The following BCL11B variants were observed in gnomAD, a reference collection of about 807,000 sequenced individuals.
BCL11B encodes B-cell lymphoma/leukemia 11B.
A neutral mutation model predicts 49.9 loss-of-function variants in BCL11B; 8 were observed. The observed-to-expected ratio is 0.16, with a 90% CI of 0.09 to 0.29. The LOEUF (loss-of-function observed/expected upper bound fraction) is 0.29, where lower values mean the gene tolerates loss of function less well. BCL11B is among the 10% of genes least tolerant of loss of function. The probability of loss-of-function intolerance (pLI) is 1.00; values close to 1 mark genes in which losing one functional copy is unlikely to be tolerated. For synonymous variants in BCL11B, 739 were observed against 637.4 expected, an observed-to-expected ratio of 1.16 and a Z score of -2.40; for missense variants, 1,006 against 1,351.0, an observed-to-expected ratio of 0.74 and a Z score of 4.00.
intron 2 of BCL11B, among the ~76,000 whole-genome samples, chr14:99,243,914 C>A (rs1888742815): frequency 7.4e-6 from 1 of 136,008 alleles, no homozygotes; most frequent in East Asian, 2.1e-4. Context: ...CCACACATTG[C>A]TCCTAAAAAA....
chr14:99,174,869 C>G lies in BCL11B; in HGVS notation c.1967G>C (p.Gly656Ala). The G allele has an allele frequency of 8.6e-7, 1 of 1,165,816 alleles. No homozygotes were observed. 72.2% of individuals were successfully genotyped at this position (1,165,816 alleles called of 1,614,324 possible). Residue 656 changes from glycine (G) to alanine (A), a missense_variant, in exon 4 of 4, where the codon GGC (glycine) becomes GCC (alanine). By Grantham distance (60) the Gly-to-Ala change is moderately conservative. Coordinates refer to ENST00000357195, the MANE Select transcript of BCL11B (RefSeq NM_138576.4). Reference protein sequence around the residue: ...GAGGAVNGRGGGFAPGTEPFP... With the variant: ...GAGGAVNGRGAGFAPGTEPFP... The stretch of plus-strand genomic sequence containing the variant: ...GGGCTCGGTGCCTGGCGCGAAGCCG[C>G]CCCCGCGCCCGTTGACCGCGCCGCC...
intron 1 of BCL11B, 26 bp downstream of exon 1, chr14:99,271,135 C>A: frequency 6.5e-7 from 1 of 1,536,364 alleles, no homozygotes; most frequent in East Asian, 2.7e-5. Context: ...TCTCCGGCCC[C>A]TCGCGCGCAC....
intron 2 of BCL11B, among the ~76,000 whole-genome samples, chr14:99,235,064 G>A (rs773693572): frequency 4.6e-5 from 7 of 151,974 alleles, no homozygotes; most frequent in African/African-American, 1.7e-4. Flanking sequence ...CTCACCCAGC[G>A]AACACGCCCA....
At chr14:99,202,737 C>T (rs1887422342) in intron 3 of BCL11B, among the ~76,000 whole-genome samples, 1 of 152,180 alleles carries the variant, frequency 6.6e-6, no homozygotes, top group Non-Finnish European at 1.5e-5. Context: ...CAGCCTCAGC[C>T]TCATTCAGCC....
chr14:99,183,472 G>T (rs1886767963), intron 3 of BCL11B, among the ~76,000 whole-genome samples: 1 of 152,040 alleles, frequency 6.6e-6, no homozygotes, highest in South Asian at 2.1e-4. Context: ...ACATCCGACA[G>T]ACCAGGAGTC....
intron 3 of BCL11B, among the ~76,000 whole-genome samples, chr14:99,199,640 CTGTGTGTGTGTGTG>C (rs79328426): frequency 2.9e-4 from 32 of 109,524 alleles, no homozygotes; most frequent in African/African-American, 7.8e-4. Context: ...TGGCTAAATG[CTGTGTGTGTGTGTG>C]TGTGTGTGTG....
rs557410777 is a variant in BCL11B, at chr14:99,221,560, C to T, written c.640+9785G>A. Among the ~76,000 whole-genome samples the T allele has an allele frequency of 2.3e-3, 346 of 152,370 alleles. 1 individual carries two copies. Among genetic ancestry groups the T allele is most frequent in the African/African-American group, 7.7e-3 (319 of 41,586 alleles). ...CCTTGGCTGTTCCTACTCACACCTG[C>T]CAGGTACAAGGCCAGGCGGGAGGGG... On this transcript the variant is annotated intron_variant, in intron 3 of 3. Transcript: ENST00000357195.
intron 2 of BCL11B, among the ~76,000 whole-genome samples, chr14:99,254,353 A>G (rs1889095967): frequency 6.6e-6 from 1 of 152,244 alleles, no homozygotes; most frequent in Non-Finnish European, 1.5e-5. Flanking sequence ...GTGATGACTG[A>G]CAGAATCCCC....
rs186337724 is a variant in BCL11B at position 99,257,346 on chromosome 14, G to C, written c.427+125C>G. The C allele has an allele frequency of 2.3e-6, 3 of 1,293,064 alleles. No individual in the cohort carries two copies. In the African/African-American group the frequency reaches 4.5e-5, roughly 19 times the overall value. 80.1% of individuals were successfully genotyped at this position (1,293,064 alleles called of 1,614,324 possible). Reference sequence around the variant, plus strand: ...TGGACCCTCAGAAAGGGGGAGCCCCGGCTGGTGGCCCAGAGGCCATCCTGG... The same window carrying C: ...TGGACCCTCAGAAAGGGGGAGCCCCCGCTGGTGGCCCAGAGGCCATCCTGG... On this transcript the variant is annotated intron_variant, in intron 2 of 3. Transcript: ENST00000357195. This position sits in a 1 kb window ranked among gnomAD's most constrained non-coding sequence, Gnocchi z 6.2.
intron 3 of BCL11B, among the ~76,000 whole-genome samples, chr14:99,211,637 C>G (rs867378543): frequency 1.3e-5 from 2 of 152,166 alleles, no homozygotes; most frequent in Non-Finnish European, 2.9e-5. Context: ...ACACACACCC[C>G]CCTCCACCTG....
At chr14:99,212,898 C>G (rs1403332659) in intron 3 of BCL11B, among the ~76,000 whole-genome samples, 1 of 152,208 alleles carries the variant, frequency 6.6e-6, no homozygotes, top group Non-Finnish European at 1.5e-5. Context: ...GACAAGAAGT[C>G]TCTGGGTCTG....
In BCL11B at chr14:99,242,416, C is replaced by T. The variant is rs1208083830; in HGVS notation, c.428-10859G>A. Among the ~76,000 whole-genome samples the T allele has an allele frequency of 6.6e-6, 1 of 152,204 alleles. No homozygotes were observed. Among genetic ancestry groups the T allele is most frequent in the Non-Finnish European group, 1.5e-5 (1 of 68,046 alleles). On this transcript the variant is annotated intron_variant, in intron 2 of 3. Transcript: ENST00000357195. The surrounding 1 kb of genome is among the most constrained non-coding windows in gnomAD (Gnocchi z 4.4). ...GAATATCACGGCCTTCCTTGCCCAG[C>T]CTTGCATGCCCACGTGGAATTTACT...
chr14:99,249,906 T>A (rs1888955355), intron 2 of BCL11B, among the ~76,000 whole-genome samples: 1 of 151,938 alleles, frequency 6.6e-6, no homozygotes, highest in South Asian at 2.1e-4. Flanking sequence ...GGCGGGTGGA[T>A]CACCTGAATA....
chr14:99,211,764 C>A (rs1003197173), intron 3 of BCL11B, among the ~76,000 whole-genome samples: 1 of 152,188 alleles, frequency 6.6e-6, no homozygotes, highest in Non-Finnish European at 1.5e-5. Context: ...AAACTCCGCC[C>A]TGCCCTCTGG....
rs781287943 is a variant in BCL11B, at chr14:99,242,335, G to A, written c.428-10778C>T. Among the ~76,000 whole-genome samples the A allele has an allele frequency of 1.3e-5, 2 of 152,172 alleles. No homozygotes were observed. Among genetic ancestry groups the A allele is most frequent in the Admixed American group, 6.5e-5 (1 of 15,276 alleles). On this transcript the variant is annotated intron_variant, in intron 2 of 3. Coordinates refer to ENST00000357195, the MANE Select transcript of BCL11B (RefSeq NM_138576.4). This position sits in a 1 kb window ranked among gnomAD's most constrained non-coding sequence, Gnocchi z 4.4. ...GCAAACCATGTGGGCTGGGTACAGCGACAGGCGGAGAGGCCCGTCAGGTTG... is the reference window on the plus strand; with the variant it reads ...GCAAACCATGTGGGCTGGGTACAGCAACAGGCGGAGAGGCCCGTCAGGTTG...
chr14:99,263,323 AC>A (rs1305530011), intron 1 of BCL11B: 1 of 153,244 alleles, frequency 6.5e-6, no homozygotes, highest in Non-Finnish European at 1.5e-5. Context: ...TGAGGCACAC[AC>A]CTCGATCGCC....
chr14:99,181,040 T>TA (rs1886684904), intron 3 of BCL11B, among the ~76,000 whole-genome samples: 1 of 152,104 alleles, frequency 6.6e-6, no homozygotes, highest in Admixed American at 6.5e-5. Context: ...AGATGTTCAA[T>TA]AAAAAACACA....
At chr14:99,198,788 C>T (rs536575263) in intron 3 of BCL11B, among the ~76,000 whole-genome samples, 2 of 152,260 alleles carry the variant, frequency 1.3e-5, no homozygotes, top group African/African-American at 4.8e-5. Context: ...CCTGTTCCAC[C>T]CCACCCCCGG....
At chr14:99,196,009 C>A (rs960645696) in intron 3 of BCL11B, among the ~76,000 whole-genome samples, 1 of 152,142 alleles carries the variant, frequency 6.6e-6, no homozygotes, top group Non-Finnish European at 1.5e-5. Context: ...TGAAGAAGCC[C>A]ATGAGCCAAG....
Sources: gnomAD v4.1 joint callset for allele counts (sites outside exome capture counted in the v4.1 genomes callset) on GRCh38, gnomAD v4.1.1 for gene constraint, Gnocchi (gnomAD v3.1) non-coding constraint, MANE v1.5 for transcripts, NCBI Gene and HGNC (gene_info 2026-07-23, HGNC 2026-07-21) for gene names.